STPG2: variants seen among roughly 807,000 people sequenced by gnomAD.
The protein encoded by STPG2 is sperm-tail PG-rich repeat-containing protein 2.
STPG2 carries 56 observed loss-of-function variants against 54.2 expected under a neutral mutation model. The ratio of observed to expected loss-of-function variants is 1.03; its 90% confidence interval spans 0.83 to 1.29. The LOEUF (loss-of-function observed/expected upper bound fraction) is 1.29, where lower values mean the gene tolerates loss of function less well. STPG2 is among the 50% of genes most tolerant of loss of function. STPG2 has a pLI of 0.00. For synonymous variants in STPG2, 200 were observed against 181.8 expected, an observed-to-expected ratio of 1.10 and a Z score of -0.81; for missense variants, 596 against 544.9, an observed-to-expected ratio of 1.09 and a Z score of -0.93.
intron 9 of STPG2, among the ~76,000 whole-genome samples, chr4:97,795,078 TTTAG>T (rs1158168887): frequency 6.6e-6 from 1 of 152,232 alleles, no homozygotes; most frequent in African/African-American, 2.4e-5. Flanking sequence ...CTTTTTGTCA[TTTAG>T]TTAATGACAT....
chr4:97,766,159 A>G (rs1029484746), intron 9 of STPG2, among the ~76,000 whole-genome samples: 4 of 152,112 alleles, frequency 2.6e-5, no homozygotes, highest in Non-Finnish European at 5.9e-5. Flanking sequence ...AAAGCACAAA[A>G]TTTATAACAA....
At chr4:97,949,914 A>C (rs1733402343) in intron 7 of STPG2, among the ~76,000 whole-genome samples, 1 of 152,050 alleles carries the variant, frequency 6.6e-6, no homozygotes, top group South Asian at 2.1e-4. Context: ...AATGAATCTC[A>C]CATGAGTTCT....
At chr4:97,815,237 T>A (rs575992319) in intron 9 of STPG2, among the ~76,000 whole-genome samples, 2 of 152,288 alleles carry the variant, frequency 1.3e-5, no homozygotes, top group African/African-American at 2.4e-5. Context: ...TGTGTGTATG[T>A]GTGTGCATGC....
Position 98,128,567 on chromosome 4 carries a change from G to T in STPG2, c.248C>A (p.Thr83Asn). 1 of 1,607,588 alleles carries T rather than the reference G, an allele frequency of 6.2e-7. No individual in the cohort carries two copies. Among genetic ancestry groups the T allele is most frequent in the Non-Finnish European group, 8.5e-7 (1 of 1,178,078 alleles). The change falls in exon 3 of 11, where the codon ACC becomes AAC. Residue 83 changes from threonine to asparagine, a missense_variant. By Grantham distance (65) the Thr-to-Asn change is moderately conservative. Coordinates refer to ENST00000295268, the MANE Select transcript of STPG2 (RefSeq NM_174952.3). ...AQKISRSPTL[T>N]RSVDVPSIPS... Reference sequence around the variant, plus strand: ...AATTGAAGGAACATCAACACTTCTGGTAAGTGTAGGTGATCTTGAAATTTT... The same window carrying T: ...AATTGAAGGAACATCAACACTTCTGTTAAGTGTAGGTGATCTTGAAATTTT...
intron 8 of STPG2, among the ~76,000 whole-genome samples, chr4:97,906,361 G>T (rs1401396797): frequency 6.6e-6 from 1 of 152,170 alleles, no homozygotes. Flanking sequence ...ATCTGAAATT[G>T]TGGCAATAGT....
chr4:97,921,001 C>T (rs1343027074), intron 8 of STPG2, among the ~76,000 whole-genome samples: 2 of 152,136 alleles, frequency 1.3e-5, no homozygotes, highest in Non-Finnish European at 2.9e-5. Context: ...TGTGGATAAC[C>T]TTAACAAGAG....
At chr4:97,955,064 T>TA (rs1225950874) in intron 7 of STPG2, among the ~76,000 whole-genome samples, 13 of 151,786 alleles carry the variant, frequency 8.6e-5, no homozygotes, top group African/African-American at 1.9e-4. Context: ...ATTCTAGAAA[T>TA]AAAAAAATAC....
chr4:97,910,490 A>C (rs1731635475), intron 8 of STPG2, among the ~76,000 whole-genome samples: 1 of 152,216 alleles, frequency 6.6e-6, no homozygotes, highest in Non-Finnish European at 1.5e-5. Flanking sequence ...TACCATATAA[A>C]CAGAACAGAA....
chr4:98,087,913 T>A (rs1268311319), intron 5 of STPG2, among the ~76,000 whole-genome samples: 5 of 152,204 alleles, frequency 3.3e-5, no homozygotes, highest in Non-Finnish European at 5.9e-5. Flanking sequence ...TAATAAGCCC[T>A]AATCCCTGAC....
At chr4:97,848,455 A>G (rs1578618223) in intron 8 of STPG2, among the ~76,000 whole-genome samples, 1 of 152,158 alleles carries the variant, frequency 6.6e-6, no homozygotes, top group African/African-American at 2.4e-5. Context: ...CTCTCAAATT[A>G]GTGAAAAATG....
At chr4:97,694,248 T>C (rs184181246) in intron 10 of STPG2, among the ~76,000 whole-genome samples, 5 of 152,120 alleles carry the variant, frequency 3.3e-5, no homozygotes, top group African/African-American at 1.2e-4. Context: ...TTTGAAAAGA[T>C]AAATATAATT....
chr4:97,941,363 T>A (rs1000823346), intron 8 of STPG2, among the ~76,000 whole-genome samples: 3 of 152,116 alleles, frequency 2.0e-5, no homozygotes, highest in African/African-American at 7.2e-5. Flanking sequence ...ATGTTTTTAT[T>A]CAGCTTGAAA....
Position 97,812,868 on chromosome 4 carries a change from A to G in STPG2, c.1204+27905T>C, listed in dbSNP as rs1240843557. On this transcript the variant is annotated intron_variant, in intron 9 of 10. Transcript: ENST00000295268. Reference sequence around the variant, plus strand: ...AAATAACTACTTACAATTCAAATAGAATTTCACATGTAACAGGTCCAAAAC... The same window carrying G: ...AAATAACTACTTACAATTCAAATAGGATTTCACATGTAACAGGTCCAAAAC... 2.6e-5 allele frequency among the ~76,000 whole-genome samples: 4 copies of G among 152,196 alleles called. No individual in the cohort carries two copies. The East Asian group carries it at 7.7e-4, about 29-fold the overall frequency.
At chr4:97,469,136 C>T (rs1170783683) in intron 4 of STPG2, among the ~76,000 whole-genome samples, 1 of 152,064 alleles carries the variant, frequency 6.6e-6, no homozygotes, top group East Asian at 1.9e-4. Context: ...TAAACTCAGG[C>T]AAACATGCAC....
chr4:97,699,216 C>A (rs1249470354), intron 10 of STPG2, among the ~76,000 whole-genome samples: 2 of 152,216 alleles, frequency 1.3e-5, no homozygotes, highest in African/African-American at 2.4e-5. Context: ...GAGTGGAAAT[C>A]CATGTTGTTG....
At chr4:97,910,055 C>G (rs951988231) in intron 8 of STPG2, among the ~76,000 whole-genome samples, 1 of 152,216 alleles carries the variant, frequency 6.6e-6, no homozygotes, top group Middle Eastern at 3.4e-3. Context: ...TGTGACTATA[C>G]CCTCTCTGCT....
chr4:98,054,315 A>G (rs576613772), intron 5 of STPG2, among the ~76,000 whole-genome samples: 9 of 152,302 alleles, frequency 5.9e-5, no homozygotes, highest in African/African-American at 2.2e-4. Context: ...TTTGCAATTT[A>G]CATTTTTTAC....
chr4:98,077,221 T>C (rs1560668601), intron 5 of STPG2, among the ~76,000 whole-genome samples: 1 of 122,348 alleles, frequency 8.2e-6, no homozygotes, highest in Non-Finnish European at 1.7e-5. Context: ...GCGTCCTCAA[T>C]AGTTTTGTTG....
chr4:97,530,348 A>T (rs919638115), intron 4 of STPG2, among the ~76,000 whole-genome samples: 2 of 152,212 alleles, frequency 1.3e-5, no homozygotes, highest in Non-Finnish European at 2.9e-5. Flanking sequence ...AGCAAAGGTT[A>T]TGCTGTACTG....
Sources: allele counts gnomAD v4.1 joint callset (sites outside exome capture counted in the v4.1 genomes callset), GRCh38; gene constraint gnomAD v4.1.1; transcripts MANE v1.5; gene names NCBI Gene and HGNC (gene_info 2026-07-23, HGNC 2026-07-21).